RABGAP1: variants seen among roughly 807,000 people sequenced by gnomAD.
RABGAP1 encodes RAB GTPase activating protein 1.
Under a neutral mutation model 137.6 loss-of-function variants are expected in RABGAP1, and 23 were observed. The ratio of observed to expected loss-of-function variants is 0.17; its 90% CI spans 0.12 to 0.24. The LOEUF is 0.24. Among genes scored for constraint, RABGAP1 ranks in the 10% least tolerant of loss-of-function variants. The pLI, the probability that RABGAP1 is intolerant of heterozygous loss-of-function variation, is 1.00. For missense variants in RABGAP1, 906 were observed against 1,275.8 expected (o/e 0.71, Z 4.42); for synonymous variants, 451 against 450.7 (o/e 1.00, Z -0.01).
intron 10 of RABGAP1, among the ~76,000 whole-genome samples, chr9:123,000,166 A>G (rs1487787038): frequency 1.3e-5 from 2 of 151,902 alleles, no homozygotes; most frequent in Non-Finnish European, 2.9e-5. Context: ...TTTCTTTGTA[A>G]TTTTGGATTA....
chr9:122,960,169 T>G (rs1250642952), intron 2 of RABGAP1, among the ~76,000 whole-genome samples: 1 of 152,164 alleles, frequency 6.6e-6, no homozygotes, highest in Non-Finnish European at 1.5e-5. Flanking sequence ...CTGAGGAAAC[T>G]AGGGAAAGAC....
At chr9:123,056,485 T>TC (rs2033701013) in intron 13 of RABGAP1, among the ~76,000 whole-genome samples, 1 of 150,994 alleles carries the variant, frequency 6.6e-6, no homozygotes, top group Admixed American at 6.6e-5. Flanking sequence ...TTTTTTCTTT[T>TC]TTTTTTTTTT....
intron 21 of RABGAP1, 50 bp from the exon 22 acceptor site, chr9:123,097,691 T>C: frequency 6.7e-7 from 1 of 1,489,232 alleles, no homozygotes; most frequent in African/African-American, 1.4e-5. Context: ...ATGGAAATCC[T>C]TTGCAGTTCC....
intron 15 of RABGAP1, among the ~76,000 whole-genome samples, chr9:123,073,257 G>A (rs1269883632): frequency 6.6e-6 from 1 of 152,126 alleles, no homozygotes; most frequent in Non-Finnish European, 1.5e-5. Flanking sequence ...AGGCCTTCCT[G>A]TTCTTGTATT....
chr9:123,071,191 A>G (rs1266240676), intron 15 of RABGAP1, among the ~76,000 whole-genome samples: 3 of 152,160 alleles, frequency 2.0e-5, no homozygotes, highest in South Asian at 4.1e-4. Flanking sequence ...TACACATTCA[A>G]TTTTCTCCCA....
intron 1 of RABGAP1, among the ~76,000 whole-genome samples, chr9:122,943,072 C>CTTTTTTTTT (rs10582436): frequency 5.2e-5 from 6 of 116,174 alleles, no homozygotes; most frequent in African/African-American, 2.1e-4. Flanking sequence ...GGTGCACTTT[C>CTTTTTTTTT]TTTTTTTTTT....
rs10120647 is a variant in RABGAP1 at position 122,955,365 on chromosome 9, A to G, written c.-49-1646A>G. Among the ~76,000 whole-genome samples, 342 of 152,328 alleles carry G rather than the reference A, an allele frequency of 2.2e-3. 7 individuals carry two copies. Among genetic ancestry groups the G allele is most frequent in the Admixed American group, 0.017 (258 of 15,294 alleles). On this transcript the variant is annotated intron_variant, in intron 1 of 25. Transcript: ENST00000373647. The stretch of plus-strand genomic sequence containing the variant: ...TTACTCTTTGTACATTATCTACTCA[A>G]TAAGTATTCAATGAATGGATTAAGT...
chr9:122,958,150 C>T (rs561211223), intron 2 of RABGAP1, among the ~76,000 whole-genome samples: 36 of 152,078 alleles, frequency 2.4e-4, no homozygotes, highest in Non-Finnish European at 4.6e-4. Flanking sequence ...ACTCCAGAGC[C>T]GGGCAGGGGT....
chr9:122,981,171 C>T (rs1332871437), intron 2 of RABGAP1, among the ~76,000 whole-genome samples: 2 of 152,030 alleles, frequency 1.3e-5, no homozygotes, highest in Admixed American at 1.3e-4. Flanking sequence ...ACTACAGGTG[C>T]ATGCCACAAT....
Position 122,989,363 on chromosome 9 carries a change from C to T in RABGAP1, c.657C>T (p.Val219=). The T allele has an allele frequency of 6.2e-7, 1 of 1,613,812 alleles. No homozygotes were observed. Among genetic ancestry groups the T allele is most frequent in the Admixed American group, 1.7e-5 (1 of 60,020 alleles). ...NYPIYKILFC[V]RGHDGTPESD... ...CTATCTACAAAATCCTCTTCTGTGTCAGAGGGCATGATGGAACTCCTGAGA... is the reference window on the plus strand; with the variant it reads ...CTATCTACAAAATCCTCTTCTGTGTTAGAGGGCATGATGGAACTCCTGAGA... The change falls in exon 5 of 26, where the codon GTC becomes GTT. Residue 219 remains valine (V), a synonymous_variant. Coordinates refer to ENST00000373647, the MANE Select transcript of RABGAP1 (RefSeq NM_012197.4).
intron 13 of RABGAP1, 56 bp from the exon 14 acceptor site, chr9:123,065,292 A>G (rs951271254): frequency 2.3e-6 from 3 of 1,285,646 alleles, no homozygotes; most frequent in Non-Finnish European, 3.3e-6. Flanking sequence ...CTAAACCTGA[A>G]TAAGAGTTTA....
intron 13 of RABGAP1, among the ~76,000 whole-genome samples, chr9:123,059,364 C>T (rs1007751823): frequency 6.6e-6 from 1 of 151,988 alleles, no homozygotes; most frequent in African/African-American, 2.4e-5. Context: ...ACCATCCTGA[C>T]TAACACAGTG....
chr9:123,019,301 TAGAAC>T (rs2031454267), intron 12 of RABGAP1, among the ~76,000 whole-genome samples: 1 of 152,194 alleles, frequency 6.6e-6, no homozygotes, highest in African/African-American at 2.4e-5. Context: ...TATTTTAACT[TAGAAC>T]ATATAAATAT....
chr9:122,996,381 C>G, intron 7 of RABGAP1, 158 bp from the exon 8 acceptor site: 1 of 1,069,740 alleles, frequency 9.3e-7, no homozygotes, highest in East Asian at 2.6e-5. Flanking sequence ...AATTAGCTGA[C>G]CTTGAAGGAA....
intron 19 of RABGAP1, 191 bp downstream of exon 19, chr9:123,076,953 T>C: frequency 3.7e-6 from 1 of 273,228 alleles, no homozygotes; most frequent in Non-Finnish European, 5.8e-6. Flanking sequence ...TAACCTTTTT[T>C]TCCCCAAAAT....
chr9:122,978,188 C>T (rs1280127974), intron 2 of RABGAP1, among the ~76,000 whole-genome samples: 2 of 152,136 alleles, frequency 1.3e-5, no homozygotes, highest in Admixed American at 1.3e-4. Flanking sequence ...ACCTTTATTC[C>T]CCTTCCCTGA....
intron 13 of RABGAP1, among the ~76,000 whole-genome samples, chr9:123,040,160 A>G (rs1210162529): frequency 6.6e-6 from 1 of 152,212 alleles, no homozygotes; most frequent in Non-Finnish European, 1.5e-5. Context: ...TTCTGTGATT[A>G]TCTGTCTTCC....
intron 2 of RABGAP1, among the ~76,000 whole-genome samples, chr9:122,972,407 C>T (rs1026578913): frequency 3.9e-5 from 6 of 152,076 alleles, no homozygotes; most frequent in South Asian, 4.1e-4. Flanking sequence ...TCTGGTGGGT[C>T]GGGTGGGGAC....
intron 13 of RABGAP1, among the ~76,000 whole-genome samples, chr9:123,025,600 A>G (rs1198550215): frequency 2.9e-5 from 3 of 101,906 alleles, no homozygotes; most frequent in African/African-American, 1.1e-4. Context: ...GGGATCTTGT[A>G]GCTTTATTGT....
Sources: gnomAD v4.1 joint callset for allele counts (sites outside exome capture counted in the v4.1 genomes callset) on GRCh38, gnomAD v4.1.1 for gene constraint, MANE v1.5 for transcripts, NCBI Gene and HGNC (gene_info 2026-07-23, HGNC 2026-07-21) for gene names.